The following PDE1C variants were observed in gnomAD, a reference collection of about 807,000 sequenced individuals.
PDE1C encodes phosphodiesterase 1C, also known as dual specificity calcium/calmodulin-dependent 3',5'-cyclic nucleotide phosphodiesterase 1C.
Under a neutral mutation model 93.1 loss-of-function variants are expected in PDE1C, and 62 were observed. The observed-to-expected ratio is 0.67, with a 90% CI of 0.54 to 0.82. The LOEUF (loss-of-function observed/expected upper bound fraction) is 0.82, where lower values mean the gene tolerates loss of function less well. PDE1C is among the 40% of genes least tolerant of loss of function. The probability of loss-of-function intolerance (pLI) is 0.00; values close to 1 mark genes in which losing one functional copy is unlikely to be tolerated. For missense variants in PDE1C, 742 were observed against 884.6 expected (o/e 0.84, Z 2.04); for synonymous variants, 325 against 310.1 (o/e 1.05, Z -0.50).
intron 2 of PDE1C, among the ~76,000 whole-genome samples, chr7:31,957,647 C>G (rs1302655503): frequency 2.0e-5 from 3 of 152,132 alleles, no homozygotes; most frequent in Non-Finnish European, 4.4e-5. Context: ...ATGGGAAACA[C>G]TGGGCCATAT....
At chr7:31,913,153 G>C (rs1266250740) in intron 2 of PDE1C, among the ~76,000 whole-genome samples, 2 of 152,130 alleles carry the variant, frequency 1.3e-5, no homozygotes, top group African/African-American at 2.4e-5. Context: ...TGGTGGTACA[G>C]GTTCATTATC....
intron 2 of PDE1C, among the ~76,000 whole-genome samples, chr7:31,945,513 ATTTC>A (rs1422257014): frequency 6.6e-6 from 1 of 151,972 alleles, no homozygotes; most frequent in Non-Finnish European, 1.5e-5. Context: ...TAGATGGGTA[ATTTC>A]TTTTTCTTTC....
chr7:31,620,757 G>A, the PDE1C span, among the ~76,000 whole-genome samples: 1 of 152,164 alleles, frequency 6.6e-6, no homozygotes, highest in Admixed American at 6.5e-5. Context: ...AAAGCTGGAT[G>A]GAGAATGACT....
intron 11 of PDE1C, among the ~76,000 whole-genome samples, chr7:31,835,254 T>C (rs567022960): frequency 5.5e-4 from 83 of 152,214 alleles, no homozygotes; most frequent in Middle Eastern, 3.4e-3. Context: ...AAAAGTATTA[T>C]CAAAGAAAGC....
In PDE1C at chr7:31,880,841, G is replaced by A; in HGVS notation, c.148C>T (p.Gln50Ter). ...ACTGAAGCTTCCCCTCTCTCTAATT[G>A]TTTGACCAAAGACCGTAATCTAGAA... ...TSQRLRSLVK[Q>*]LERGEASVVD... The change falls in exon 3 of 18, where the codon CAA becomes TAA. Residue 50 changes from glutamine (Q) to a stop codon, truncating the protein, a stop_gained. Transcript: ENST00000396191. LOFTEE classifies it high-confidence loss of function. The A allele has an allele frequency of 6.2e-7, 1 of 1,607,096 alleles. No homozygotes were observed. The highest frequency in any genetic ancestry group is 8.5e-7 in the Non-Finnish European group (1 of 1,173,984).
At chr7:32,167,974 C>T (rs1290671299) in intron 3 of PDE1C, among the ~76,000 whole-genome samples, 4 of 152,136 alleles carry the variant, frequency 2.6e-5, no homozygotes, top group Non-Finnish European at 5.9e-5. Context: ...CATGCCACCA[C>T]AGTTAAGGAC....
intron 17 of PDE1C, among the ~76,000 whole-genome samples, chr7:31,755,148 TA>T (rs1233602455): frequency 2.0e-5 from 3 of 152,288 alleles, no homozygotes; most frequent in South Asian, 4.1e-4. Context: ...TCTACATGTA[TA>T]CCAGAATTCA....
chr7:31,831,759 A>G (rs1190540931), intron 11 of PDE1C, among the ~76,000 whole-genome samples: 1 of 152,078 alleles, frequency 6.6e-6, no homozygotes, highest in East Asian at 1.9e-4. Flanking sequence ...ATGATGGAGA[A>G]GATGGAGGGG....
chr7:31,998,368 C>G (rs1785033778), intron 2 of PDE1C, among the ~76,000 whole-genome samples: 1 of 152,252 alleles, frequency 6.6e-6, no homozygotes. Context: ...AAAATGAATG[C>G]ATGCATTATT....
chr7:31,653,068 T>C, the PDE1C span: 1 of 1,014,446 alleles, frequency 9.9e-7, no homozygotes, highest in Non-Finnish European at 1.3e-6. Flanking sequence ...GACTAAATAG[T>C]ATACGGTCTC....
chr7:31,993,300 G>T (rs1354523487), intron 2 of PDE1C, among the ~76,000 whole-genome samples: 1 of 152,132 alleles, frequency 6.6e-6, no homozygotes, highest in Admixed American at 6.5e-5. Context: ...GCTAACATTT[G>T]AGTAGGTTGG....
intron 1 of PDE1C, among the ~76,000 whole-genome samples, chr7:32,289,028 A>G (rs1294682316): frequency 6.6e-6 from 1 of 152,268 alleles, no homozygotes; most frequent in Non-Finnish European, 1.5e-5. Context: ...TTACTGGGCT[A>G]GAACTTTACA....
chr7:31,718,120 T>A, the PDE1C span, among the ~76,000 whole-genome samples: 5 of 152,124 alleles, frequency 3.3e-5, no homozygotes, highest in East Asian at 9.6e-4. Flanking sequence ...ATACTCTCGC[T>A]GTATGGGATC....
intron 1 of PDE1C, among the ~76,000 whole-genome samples, chr7:32,063,191 G>C (rs1366405811): frequency 6.6e-6 from 1 of 152,248 alleles, no homozygotes; most frequent in Non-Finnish European, 1.5e-5. Flanking sequence ...AGCTGTCCCA[G>C]TCTATTGTAA....
intron 2 of PDE1C, among the ~76,000 whole-genome samples, chr7:31,888,249 CAAA>C (rs34112969): frequency 9.0e-5 from 4 of 44,224 alleles, no homozygotes; most frequent in African/African-American, 1.6e-4. Context: ...GACTCAGTCT[CAAA>C]AAAAAAAAAA....
At chr7:32,024,487 C>CA (rs531491470) in intron 2 of PDE1C, among the ~76,000 whole-genome samples, 65 of 140,072 alleles carry the variant, frequency 4.6e-4, no homozygotes, top group East Asian at 4.5e-3. Context: ...TTCCAATAAG[C>CA]AAAAAAAAAA....
At chr7:32,058,599 C>T (rs913497002) in intron 1 of PDE1C, among the ~76,000 whole-genome samples, 1 of 152,166 alleles carries the variant, frequency 6.6e-6, no homozygotes, top group African/African-American at 2.4e-5. Context: ...TTAATCTACG[C>T]GCTACTGAGA....
chr7:32,163,387 G>A (rs1360218043), intron 3 of PDE1C, among the ~76,000 whole-genome samples: 1 of 152,174 alleles, frequency 6.6e-6, no homozygotes, highest in African/African-American at 2.4e-5. Context: ...CCAAAATGAG[G>A]ATGAGTTCAA....
chr7:31,743,275 T>A, the PDE1C span, among the ~76,000 whole-genome samples: 2 of 152,144 alleles, frequency 1.3e-5, no homozygotes, highest in Non-Finnish European at 2.9e-5. Flanking sequence ...CCTGAGAGTC[T>A]CATCTTATGC....
Sources: gnomAD v4.1 joint callset for allele counts (sites outside exome capture counted in the v4.1 genomes callset) on GRCh38, gnomAD v4.1.1 for gene constraint, MANE v1.5 for transcripts, NCBI Gene and HGNC (gene_info 2026-07-23, HGNC 2026-07-21) for gene names.